Variants in TLN2 observed in about 807,000 individuals in gnomAD.
TLN2 encodes talin-2.
In TLN2, 118 loss-of-function variants were observed where a neutral mutation model predicts 294.7. The observed-to-expected ratio is 0.40, with a 90% CI of 0.34 to 0.47. The LOEUF (loss-of-function observed/expected upper bound fraction) is 0.47, where lower values mean the gene tolerates loss of function less well. Among genes scored for constraint, TLN2 ranks in the 20% least tolerant of loss-of-function variants. TLN2 has a pLI of 0.84. For synonymous variants in TLN2, 1,431 were observed against 1,304.5 expected (o/e 1.10, Z -2.09); for missense variants, 3,083 against 3,282.2 (o/e 0.94, Z 1.48).
At chr15:62,525,804 C>T (rs545205467) in intron 1 of TLN2, among the ~76,000 whole-genome samples, 46 of 152,292 alleles carry the variant, frequency 3.0e-4, no homozygotes, top group Middle Eastern at 3.4e-3. Flanking sequence ...CCAGCCCACA[C>T]GGCACCCCTG....
chr15:62,479,739 G>A (rs926436288), intron 1 of TLN2, among the ~76,000 whole-genome samples: 2 of 152,210 alleles, frequency 1.3e-5, no homozygotes, highest in East Asian at 1.9e-4. Flanking sequence ...GCCTGCCTCA[G>A]CCTCCCAAAG....
rs1157276904 is a variant in TLN2, at chr15:62,825,820, ATATAT to A, written c.7002+5215_7002+5219del. Among the ~76,000 whole-genome samples the A allele has an allele frequency of 5.0e-4, 18 of 35,820 alleles. 1 individual carries two copies. In the South Asian group the frequency reaches 8.1e-3, roughly 16 times the overall value. 23.5% of individuals were successfully genotyped at this position (35,820 alleles called of 152,430 possible). A position where few individuals can be genotyped will look rare whatever the true frequency, so the allele number is the denominator to read the frequency against. ...TATATATTATATATTATATTATAAT[ATATAT>A]TATAATATATAATATATATAAATAT... is the stretch of plus-strand genomic sequence containing the variant. On this transcript the variant is annotated intron_variant, in intron 54 of 58. Transcript: ENST00000636159.
rs554147284 is a variant in TLN2, at chr15:62,597,591, G to A, written c.-162+7829G>A. ...TTGGTCAGGACAGGTTGATCTCTAG[G>A]TACACTGCACAGGGCTCAGCAAATG... On this transcript the variant is annotated intron_variant, in intron 2 of 58. Coordinates refer to ENST00000636159, the MANE Select transcript of TLN2 (RefSeq NM_015059.3). Among the ~76,000 whole-genome samples the A allele has an allele frequency of 2.6e-5, 4 of 152,252 alleles. No individual in the cohort carries two copies. The South Asian group carries it at 8.3e-4, about 32-fold the overall frequency.
intron 12 of TLN2, among the ~76,000 whole-genome samples, chr15:62,687,326 C>T (rs965227379): frequency 2.7e-4 from 41 of 152,194 alleles, no homozygotes; most frequent in African/African-American, 9.7e-4. Context: ...GTTCAAGTTA[C>T]CTTTCCTCTC....
chr15:62,435,115 C>G (rs1401759552), intron 1 of TLN2, among the ~76,000 whole-genome samples: 1 of 152,194 alleles, frequency 6.6e-6, no homozygotes, highest in Non-Finnish European at 1.5e-5. Flanking sequence ...TTTATGGCTG[C>G]ATAGTATTCC....
At position 62,690,294 on chromosome 15, in the gene TLN2, G is replaced by A. The variant is rs1447956354; in HGVS notation, c.1114-2546G>A. 2.1e-3 allele frequency: 339 copies of A among 161,126 alleles called. 14 individuals are homozygous for A. The highest frequency in any genetic ancestry group is 7.5e-3 in the African/African-American group (279 of 37,214). The allele number at this position is 161,126 out of a possible 1,614,324, so 10.0% of individuals were successfully genotyped here. ...CGGAGGGGCTCCTCACTTCTCAGAC[G>A]GGGCGGCCGGGCAGAGACGCTCTTC... On this transcript the variant is annotated intron_variant, in intron 12 of 58. Transcript: ENST00000636159.
intron 1 of TLN2, among the ~76,000 whole-genome samples, chr15:62,501,300 T>C (rs1314519704): frequency 6.6e-6 from 1 of 152,182 alleles, no homozygotes; most frequent in Non-Finnish European, 1.5e-5. Context: ...CTATTTCTCC[T>C]GAGCAGGCCA....
chr15:62,476,369 C>G (rs147206850), intron 1 of TLN2: 1 of 152,276 alleles, frequency 6.6e-6, no homozygotes, highest in Non-Finnish European at 1.5e-5. Flanking sequence ...CCTTGTCCCT[C>G]GGATGCTCGG....
intron 1 of TLN2, among the ~76,000 whole-genome samples, chr15:62,526,054 T>C (rs952910985): frequency 6.6e-6 from 1 of 151,888 alleles, no homozygotes; most frequent in African/African-American, 2.4e-5. Context: ...ATGTAGATTA[T>C]ATATTTATTA....
chr15:62,425,929 G>A (rs2034681106), intron 1 of TLN2, among the ~76,000 whole-genome samples: 1 of 152,182 alleles, frequency 6.6e-6, no homozygotes, highest in African/African-American at 2.4e-5. Flanking sequence ...CTGCATTAGA[G>A]CTGCCAGGAT....
chr15:62,572,595 G>A (rs1466135914), intron 1 of TLN2, among the ~76,000 whole-genome samples: 1 of 152,214 alleles, frequency 6.6e-6, no homozygotes, highest in Non-Finnish European at 1.5e-5. Context: ...TTCTATGCCA[G>A]TATCTGGCAC....
chr15:62,738,170 A>G, intron 29 of TLN2, 44 bp from the exon 30 acceptor site: 2 of 1,605,862 alleles, frequency 1.2e-6, no homozygotes, highest in South Asian at 1.1e-5. Context: ...AAATGTGCAG[A>G]AATGTTTGTA....
intron 1 of TLN2, among the ~76,000 whole-genome samples, chr15:62,528,763 T>C (rs1363254725): frequency 2.1e-5 from 3 of 145,306 alleles, no homozygotes; most frequent in Non-Finnish European, 4.5e-5. Context: ...CGATGAAGAC[T>C]GAGCCACCAC....
intron 22 of TLN2, among the ~76,000 whole-genome samples, chr15:62,715,205 T>G (rs2140900757): frequency 6.6e-6 from 1 of 152,342 alleles, no homozygotes; most frequent in Admixed American, 6.5e-5. Context: ...TGCTATAACT[T>G]TTATAAATAG....
At chr15:62,611,660 C>T (rs1186351753) in intron 2 of TLN2, among the ~76,000 whole-genome samples, 1 of 152,184 alleles carries the variant, frequency 6.6e-6, no homozygotes, top group Non-Finnish European at 1.5e-5. Context: ...CAGGCCCTCA[C>T]TACCCAGAGG....
chr15:62,606,060 C>T (rs78100173), intron 2 of TLN2, among the ~76,000 whole-genome samples: 2,584 of 152,192 alleles, frequency 0.017, 48 homozygotes, highest in South Asian at 0.069. Context: ...AATAAGAAGA[C>T]AGTGTTTACC....
intron 1 of TLN2, among the ~76,000 whole-genome samples, chr15:62,490,147 A>T (rs1320851961): frequency 6.6e-6 from 1 of 152,232 alleles, no homozygotes; most frequent in Non-Finnish European, 1.5e-5. Flanking sequence ...CATAATCCAC[A>T]GGGATTTTAC....
At chr15:62,493,997 A>G (rs1048797168) in intron 1 of TLN2, among the ~76,000 whole-genome samples, 1 of 152,044 alleles carries the variant, frequency 6.6e-6, no homozygotes, top group Non-Finnish European at 1.5e-5. Context: ...GATCTGTCAA[A>G]ATTATGGATA....
At chr15:62,448,988 G>C (rs1161442917) in intron 1 of TLN2, among the ~76,000 whole-genome samples, 1 of 152,110 alleles carries the variant, frequency 6.6e-6, no homozygotes, top group Non-Finnish European at 1.5e-5. Context: ...ACTCCTTAGT[G>C]GTGTCTCAGC....
Sources: allele counts gnomAD v4.1 joint callset (sites outside exome capture counted in the v4.1 genomes callset), GRCh38; gene constraint gnomAD v4.1.1; transcripts MANE v1.5; gene names NCBI Gene and HGNC (gene_info 2026-07-23, HGNC 2026-07-21).